Variants in PIK3C2G observed in about 807,000 individuals in gnomAD.
The protein encoded by PIK3C2G is phosphatidylinositol-4-phosphate 3-kinase catalytic subunit type 2 gamma, also known as phosphatidylinositol 3-kinase C2 domain-containing subunit gamma.
In PIK3C2G, 168 loss-of-function variants were observed where a neutral mutation model predicts 181.1. The observed-to-expected ratio is 0.93, with a 90% CI of 0.82 to 1.05. The LOEUF (loss-of-function observed/expected upper bound fraction) is 1.05, where lower values mean the gene tolerates loss of function less well. PIK3C2G is among the 50% of genes least tolerant of loss of function. The pLI, the probability that PIK3C2G is intolerant of heterozygous loss-of-function variation, is 0.00. For missense variants in PIK3C2G, 1,869 were observed against 1,732.8 expected (o/e 1.08, Z -1.40); for synonymous variants, 573 against 592.2 (o/e 0.97, Z 0.47).
intron 13 of PIK3C2G, among the ~76,000 whole-genome samples, chr12:18,375,988 G>A (rs545280782): frequency 6.6e-6 from 1 of 152,230 alleles, no homozygotes; most frequent in Non-Finnish European, 1.5e-5. Context: ...AGATTTCAGA[G>A]AATATTTTGG....
intron 9 of PIK3C2G, among the ~76,000 whole-genome samples, chr12:18,341,048 T>C (rs926635612): frequency 1.3e-5 from 2 of 152,198 alleles, no homozygotes; most frequent in Admixed American, 6.6e-5. Context: ...GACTATTTGG[T>C]TATTCTTCGA....
intron 24 of PIK3C2G, among the ~76,000 whole-genome samples, chr12:18,524,226 G>T (rs1322539639): frequency 6.6e-6 from 1 of 152,276 alleles, no homozygotes; most frequent in East Asian, 1.9e-4. Flanking sequence ...TGTAGAAACT[G>T]CAAGTCCAGG....
At position 18,505,317 on chromosome 12, in the gene PIK3C2G, G is replaced by T. The variant is rs771440899; in HGVS notation, c.3179G>T (p.Cys1060Phe). 4 of 1,609,038 alleles carry T rather than the reference G, an allele frequency of 2.5e-6. No homozygotes were observed. The highest frequency in any genetic ancestry group is 3.4e-6 in the Non-Finnish European group (4 of 1,177,250). The change falls in exon 24 of 33, where the codon TGT (cysteine) becomes TTT (phenylalanine). Residue 1060 changes from cysteine to phenylalanine, a missense_variant. Cys to Phe is a radical substitution (Grantham distance 205). Coordinates refer to ENST00000538779, the MANE Select transcript of PIK3C2G (RefSeq NM_001288772.2). The part of the protein sequence containing the change: ...EKALRNFFYS[C>F]AGWCVVTFIL... ...GCCTTGAGGAACTTTTTCTACTCCT[G>T]TGCTGGCTGGTGTGTGGTAACATTC...
chr12:18,380,488 C>A (rs1942764755), intron 13 of PIK3C2G, among the ~76,000 whole-genome samples: 1 of 152,130 alleles, frequency 6.6e-6, no homozygotes, highest in Non-Finnish European at 1.5e-5. Context: ...GGGTGAAGCT[C>A]CTATGCTCTG....
intron 31 of PIK3C2G, among the ~76,000 whole-genome samples, chr12:18,612,349 C>A (rs1592714439): frequency 1.3e-5 from 2 of 152,250 alleles, no homozygotes; most frequent in East Asian, 3.9e-4. Flanking sequence ...CACTGCTCCT[C>A]TTTGTTGTCA....
intron 30 of PIK3C2G, among the ~76,000 whole-genome samples, chr12:18,599,575 C>G (rs1319821065): frequency 6.6e-6 from 1 of 151,632 alleles, no homozygotes; most frequent in African/African-American, 2.4e-5. Context: ...GTGCAGCACA[C>G]CAGCATGGCA....
intron 11 of PIK3C2G, among the ~76,000 whole-genome samples, chr12:18,348,282 C>T (rs909510115): frequency 9.2e-5 from 14 of 151,424 alleles, no homozygotes; most frequent in Admixed American, 6.6e-4. Flanking sequence ...TATACATATG[C>T]GTGCAAATGT....
rs547121214 is a variant in PIK3C2G at position 18,575,690 on chromosome 12, G to T, written c.4011+8633G>T. 2.0e-5 allele frequency among the ~76,000 whole-genome samples: 3 copies of T among 152,238 alleles called. No individual in the cohort carries two copies. In the South Asian group the frequency reaches 6.2e-4, roughly 32 times the overall value. ...ATGGCATTTAAGATGATATTAAAGG[G>T]CAAGTAGCAGTTGGTAACTGGAAAT... On this transcript the variant is annotated intron_variant, in intron 29 of 32. Transcript: ENST00000538779.
intron 32 of PIK3C2G, among the ~76,000 whole-genome samples, chr12:18,646,507 A>G (rs1950139958): frequency 6.6e-6 from 1 of 152,136 alleles, no homozygotes; most frequent in South Asian, 2.1e-4. Flanking sequence ...CTGGAACTGA[A>G]TTTCATTGAT....
chr12:18,329,126 T>TA (rs1284453694), intron 8 of PIK3C2G, among the ~76,000 whole-genome samples: 1 of 151,802 alleles, frequency 6.6e-6, no homozygotes, highest in Non-Finnish European at 1.5e-5. Flanking sequence ...TGAAGAAGTA[T>TA]AAAAAAATTA....
chr12:18,661,772 G>A, the PIK3C2G span, among the ~76,000 whole-genome samples: 1 of 152,018 alleles, frequency 6.6e-6, no homozygotes, highest in African/African-American at 2.4e-5. Flanking sequence ...CATTGACCCA[G>A]CAATCCCATT....
At chr12:18,291,517 C>G (rs1949690295) in intron 4 of PIK3C2G, among the ~76,000 whole-genome samples, 1 of 152,056 alleles carries the variant, frequency 6.6e-6, no homozygotes, top group African/African-American at 2.4e-5. Context: ...GGATGACACC[C>G]AGGAATTTAT....
chr12:18,541,325 A>T (rs1473197374), intron 25 of PIK3C2G, among the ~76,000 whole-genome samples: 7 of 152,058 alleles, frequency 4.6e-5, no homozygotes, highest in Middle Eastern at 3.4e-3. Context: ...GGTAAAAAGT[A>T]ATCCATGAAA....
intron 29 of PIK3C2G, among the ~76,000 whole-genome samples, chr12:18,568,412 GTC>G (rs1398104548): frequency 6.7e-6 from 1 of 150,132 alleles, no homozygotes; most frequent in Non-Finnish European, 1.5e-5. Context: ...GTGTGTGTGT[GTC>G]TGTGTGTGTG....
intron 18 of PIK3C2G, among the ~76,000 whole-genome samples, chr12:18,475,882 T>A (rs1291700493): frequency 1.3e-5 from 2 of 152,130 alleles, no homozygotes; most frequent in Non-Finnish European, 2.9e-5. Flanking sequence ...AAAATTTTAA[T>A]CAATAAATAA....
intron 18 of PIK3C2G, among the ~76,000 whole-genome samples, chr12:18,446,150 C>T (rs192472497): frequency 1.3e-5 from 2 of 152,222 alleles, no homozygotes; most frequent in East Asian, 3.9e-4. Flanking sequence ...AGAATTTAGA[C>T]CCTGCCAATC....
rs559000066 is a variant in PIK3C2G, at chr12:18,609,524, TC to T, written c.4088-10del. 633 of 1,526,658 alleles carry T rather than the reference TC, an allele frequency of 4.1e-4. 13 individuals carry two copies. In the South Asian group the frequency reaches 5.5e-3, roughly 13 times the overall value. The allele number at this position is 1,526,658 out of a possible 1,614,324, so 94.6% of individuals were successfully genotyped here. Reference sequence around the variant, plus strand: ...CCAACTGAACTCACTGAAATTCTATTCTTTTATCAGGTGAGAAGTTTCCAGA... The same window carrying T: ...CCAACTGAACTCACTGAAATTCTATTTTTTATCAGGTGAGAAGTTTCCAGA... On this transcript the variant is annotated splice_polypyrimidine_tract_variant and intron_variant, in intron 30 of 32. Transcript: ENST00000538779.
At chr12:18,596,297 A>G (rs1565544936) in intron 30 of PIK3C2G, among the ~76,000 whole-genome samples, 2 of 152,122 alleles carry the variant, frequency 1.3e-5, no homozygotes, top group Non-Finnish European at 2.9e-5. Flanking sequence ...ATTATCTTAA[A>G]GTTATCACTT....
chr12:18,586,302 A>T (rs1277270235), intron 29 of PIK3C2G, among the ~76,000 whole-genome samples: 1 of 152,162 alleles, frequency 6.6e-6, no homozygotes, highest in Non-Finnish European at 1.5e-5. Context: ...TTTTGAAAAA[A>T]TTAGTAAGAT....
Sources: gnomAD v4.1 joint callset for allele counts (sites outside exome capture counted in the v4.1 genomes callset) on GRCh38, gnomAD v4.1.1 for gene constraint, MANE v1.5 for transcripts, NCBI Gene and HGNC (gene_info 2026-07-23, HGNC 2026-07-21) for gene names.